Variants in TMEM62 observed in about 807,000 individuals in gnomAD.
TMEM62 encodes transmembrane protein 62.
A neutral mutation model predicts 70.4 loss-of-function variants in TMEM62; 41 were observed. That is an observed-to-expected ratio of 0.58 (90% confidence interval 0.45 to 0.76). The LOEUF (loss-of-function observed/expected upper bound fraction) is 0.76, where lower values mean the gene tolerates loss of function less well. Among genes scored for constraint, TMEM62 ranks in the 30% least tolerant of loss-of-function variants. TMEM62 has a pLI of 0.00. For missense variants in TMEM62, 688 were observed against 788.5 expected, an observed-to-expected ratio of 0.87 and a Z score of 1.53; for synonymous variants, 268 against 291.0, an observed-to-expected ratio of 0.92 and a Z score of 0.80.
chr15:43,140,119 G>A (rs1026940689), intron 4 of TMEM62, among the ~76,000 whole-genome samples: 8 of 152,006 alleles, frequency 5.3e-5, no homozygotes, highest in Non-Finnish European at 1.2e-4. Context: ...TTTATTTAGG[G>A]CCTCCTCTCC....
chr15:43,162,387 C>A (rs1371841808), intron 10 of TMEM62, among the ~76,000 whole-genome samples: 7 of 150,730 alleles, frequency 4.6e-5, no homozygotes, highest in Non-Finnish European at 8.8e-5. Context: ...GATCCACCCG[C>A]CTCCCAAAGT....
chr15:43,168,539 G>C (rs1275735585), intron 10 of TMEM62, among the ~76,000 whole-genome samples: 4 of 152,176 alleles, frequency 2.6e-5, no homozygotes, highest in African/African-American at 9.7e-5. Context: ...GGGCTCAGAG[G>C]CTTCAGGAAT....
chr15:43,152,631 G>A (rs746255164), intron 8 of TMEM62, among the ~76,000 whole-genome samples: 1 of 152,098 alleles, frequency 6.6e-6, no homozygotes, highest in African/African-American at 2.4e-5. Context: ...CTGACCTCAA[G>A]GGATCCGCCC....
chr15:43,184,648 C>T lies in TMEM62; in HGVS notation c.*62C>T. 2.7e-6 allele frequency: 4 copies of T among 1,474,044 alleles called. No homozygotes were observed. Among genetic ancestry groups the T allele is most frequent in the South Asian group, 2.4e-5 (2 of 82,030 alleles). The allele number at this position is 1,474,044 out of a possible 1,614,324, so 91.3% of individuals were successfully genotyped here. On this transcript the variant is annotated 3_prime_UTR_variant, in exon 14 of 14. Transcript: ENST00000260403. ...CAGCCTCTGTGTCTGTAGCCCAGGC[C>T]TCTACCCCAGTAGCAGGTGGAGGGC...
chr15:43,181,472 C>T (rs780061174), intron 13 of TMEM62, among the ~76,000 whole-genome samples, 173 bp downstream of exon 13: 2 of 152,226 alleles, frequency 1.3e-5, no homozygotes, highest in Admixed American at 6.5e-5. Flanking sequence ...GCTTCCTAAA[C>T]TCCTTCCACC....
At chr15:43,138,517 T>G in intron 3 of TMEM62, 57 bp from the exon 4 acceptor site, 2 of 1,332,550 alleles carry the variant, frequency 1.5e-6, no homozygotes, top group Non-Finnish European at 2.1e-6. Context: ...AAAGAAAATG[T>G]TTGTATTCTT....
intron 3 of TMEM62, among the ~76,000 whole-genome samples, chr15:43,136,549 A>G (rs1198456869): frequency 1.3e-5 from 2 of 151,816 alleles, no homozygotes; most frequent in Admixed American, 1.3e-4. Flanking sequence ...AGTTCAAGCG[A>G]TTCCCCTGCC....
At chr15:43,135,759 C>A in intron 3 of TMEM62, 110 bp downstream of exon 3, 2 of 1,227,218 alleles carry the variant, frequency 1.6e-6, no homozygotes, top group Non-Finnish European at 2.2e-6. Context: ...TTTACATATA[C>A]TAAAGGTCAC....
At chr15:43,165,187 A>G (rs2039238991) in intron 10 of TMEM62, among the ~76,000 whole-genome samples, 1 of 151,628 alleles carries the variant, frequency 6.6e-6, no homozygotes, top group African/African-American at 2.4e-5. Flanking sequence ...TTTAAGGCCA[A>G]TAACTCTTAG....
intron 9 of TMEM62, among the ~76,000 whole-genome samples, chr15:43,158,170 A>T (rs2038277161): frequency 6.6e-6 from 1 of 151,972 alleles, no homozygotes; most frequent in Admixed American, 6.6e-5. Context: ...GTTTCATCAG[A>T]TTTACATCTG....
At chr15:43,175,865 C>T (rs900857759) in intron 11 of TMEM62, among the ~76,000 whole-genome samples, 3 of 152,182 alleles carry the variant, frequency 2.0e-5, no homozygotes, top group East Asian at 1.9e-4. Context: ...GTGCGTGAGC[C>T]GAAGCAGGGC....
In TMEM62 at chr15:43,181,303, A is replaced by G; in HGVS notation, c.1605+4A>G. 6.3e-7 allele frequency: 1 copy of G among 1,584,240 alleles called. No homozygotes were observed. Among genetic ancestry groups the G allele is most frequent in the East Asian group, 2.2e-5 (1 of 44,662 alleles). On this transcript the variant is annotated splice_donor_region_variant and intron_variant, in intron 13 of 13. Coordinates refer to ENST00000260403, the MANE Select transcript of TMEM62 (RefSeq NM_024956.4). ...ATTTATAATTGGAATTCTCCAGGTA[A>G]GAAGTCAGAAAAGCAATTTAAGAAC...
At position 43,144,773 on chromosome 15, in the gene TMEM62, G is replaced by T. The variant is rs766600937; in HGVS notation, c.477-1720G>T. ...ATCTTTCACTTCCTGTTAACTGTTT[G>T]TATCTTTCATGGTGACTGTGGGGAG... is the stretch of plus-strand genomic sequence containing the variant. On this transcript the variant is annotated intron_variant, in intron 4 of 13. Coordinates refer to ENST00000260403, the MANE Select transcript of TMEM62 (RefSeq NM_024956.4). Among the ~76,000 whole-genome samples, 9 of 152,170 alleles carry T rather than the reference G, an allele frequency of 5.9e-5. No homozygotes were observed. In the East Asian group the frequency reaches 1.3e-3, roughly 23 times the overall value.
intron 4 of TMEM62, among the ~76,000 whole-genome samples, chr15:43,141,719 G>A (rs539001582): frequency 6.6e-6 from 1 of 152,166 alleles, no homozygotes; most frequent in Non-Finnish European, 1.5e-5. Context: ...TTTATGGAAA[G>A]GATTCACCAT....
chr15:43,174,657 G>A (rs1409286909), intron 11 of TMEM62, among the ~76,000 whole-genome samples: 3 of 152,204 alleles, frequency 2.0e-5, no homozygotes, highest in African/African-American at 7.2e-5. Flanking sequence ...AAGGTTTTGG[G>A]AGGTTATGTA....
chr15:43,151,130 G>A (rs748972760), intron 7 of TMEM62, among the ~76,000 whole-genome samples: 47 of 152,222 alleles, frequency 3.1e-4, no homozygotes, highest in Admixed American at 7.8e-4. Context: ...GGGATCACCT[G>A]CGGTCAGGAG....
intron 10 of TMEM62, among the ~76,000 whole-genome samples, chr15:43,161,620 A>ATG (rs888910196): frequency 5.9e-5 from 9 of 152,118 alleles, no homozygotes; most frequent in African/African-American, 1.4e-4. Context: ...GTATATATAT[A>ATG]TGTGTGTGTG....
chr15:43,175,613 G>A (rs8040997), intron 11 of TMEM62, among the ~76,000 whole-genome samples: 60 of 152,308 alleles, frequency 3.9e-4, no homozygotes, highest in African/African-American at 1.4e-3. Flanking sequence ...TTAAAAGCAC[G>A]TTAATTTGGA....
At chr15:43,173,411 C>G (rs2040407887) in intron 11 of TMEM62, among the ~76,000 whole-genome samples, 1 of 152,232 alleles carries the variant, frequency 6.6e-6, no homozygotes, top group African/African-American at 2.4e-5. Flanking sequence ...TATGCAAAAG[C>G]CTTAAGTGGC....
Sources: allele counts gnomAD v4.1 joint callset (sites outside exome capture counted in the v4.1 genomes callset), GRCh38; gene constraint gnomAD v4.1.1; transcripts MANE v1.5; gene names NCBI Gene and HGNC (gene_info 2026-07-23, HGNC 2026-07-21).